The following DPYD variants were observed in gnomAD, a reference collection of about 807,000 sequenced individuals.
DPYD encodes the protein dihydropyrimidine dehydrogenase, also known as dihydropyrimidine dehydrogenase [NADP(+)].
DPYD carries 109 observed loss-of-function variants against 116.2 expected under a neutral mutation model. The observed-to-expected ratio is 0.94, with a 90% confidence interval of 0.80 to 1.10. The LOEUF (loss-of-function observed/expected upper bound fraction) is 1.10, where lower values mean the gene tolerates loss of function less well. Among genes scored for constraint, DPYD ranks in the 50% least tolerant of loss-of-function variants. The pLI is 0.00. For missense variants in DPYD, 1,302 were observed against 1,254.5 expected (o/e 1.04, Z -0.57); for synonymous variants, 440 against 432.0 (o/e 1.02, Z -0.23).
At chr1:97,258,359 A>G (rs1663649684) in intron 18 of DPYD, among the ~76,000 whole-genome samples, 1 of 152,172 alleles carries the variant, frequency 6.6e-6, no homozygotes, top group African/African-American at 2.4e-5. Context: ...TCCAAGCCAC[A>G]AAAGTACAGG....
intron 7 of DPYD, among the ~76,000 whole-genome samples, chr1:97,688,110 A>T (rs557285999): frequency 6.6e-6 from 1 of 152,342 alleles, no homozygotes; most frequent in South Asian, 2.1e-4. Flanking sequence ...CGCATCCTGC[A>T]CGTGCATCCT....
chr1:97,446,035 G>C (rs1676070285), intron 14 of DPYD, among the ~76,000 whole-genome samples: 1 of 152,042 alleles, frequency 6.6e-6, no homozygotes. Context: ...CCAATTGTCT[G>C]ATGTTTTTAA....
intron 20 of DPYD, among the ~76,000 whole-genome samples, chr1:97,150,092 G>T (rs899496549): frequency 6.6e-6 from 1 of 152,030 alleles, no homozygotes; most frequent in Non-Finnish European, 1.5e-5. Context: ...CTTCACAAAT[G>T]CTACTCTCAC....
chr1:97,230,587 T>C (rs2100732585), intron 19 of DPYD, among the ~76,000 whole-genome samples: 1 of 152,060 alleles, frequency 6.6e-6, no homozygotes, highest in African/African-American at 2.4e-5. Flanking sequence ...ATGAAAAAAG[T>C]TTACCTATGT....
intron 16 of DPYD, among the ~76,000 whole-genome samples, chr1:97,369,390 T>C (rs1671199078): frequency 6.6e-6 from 1 of 152,176 alleles, no homozygotes; most frequent in Non-Finnish European, 1.5e-5. Flanking sequence ...TTAGAGCCTA[T>C]GTAATCCTGC....
At chr1:97,376,699 G>A (rs1671637064) in intron 15 of DPYD, among the ~76,000 whole-genome samples, 1 of 152,044 alleles carries the variant, frequency 6.6e-6, no homozygotes, top group Non-Finnish European at 1.5e-5. Context: ...ATTCTTGTTA[G>A]TCACAAGCTT....
chr1:97,394,841 T>C (rs1169447427), intron 14 of DPYD, among the ~76,000 whole-genome samples: 1 of 152,066 alleles, frequency 6.6e-6, no homozygotes, highest in Admixed American at 6.6e-5. Context: ...ATTTAAGGAA[T>C]ATGCTGTGTT....
chr1:97,680,398 A>C (rs563937675), intron 7 of DPYD, among the ~76,000 whole-genome samples: 19 of 152,014 alleles, frequency 1.2e-4, no homozygotes, highest in Non-Finnish European at 2.5e-4. Flanking sequence ...GATGACTATA[A>C]ATGTCTGCAG....
At chr1:97,487,878 A>T (rs954291423) in intron 13 of DPYD, among the ~76,000 whole-genome samples, 2 of 152,238 alleles carry the variant, frequency 1.3e-5, no homozygotes, top group Admixed American at 6.5e-5. Context: ...TTTTAATCAA[A>T]TTAAACATAT....
In DPYD at chr1:97,450,242, T is replaced by C; in HGVS notation, c.1741-19A>G. ...CAATGTCCTGATGAAAGAGTAAAGA[T>C]ATTGAGTCTCCTTTTGACAAAGAAA... On this transcript the variant is annotated intron_variant, in intron 13 of 22. Coordinates refer to ENST00000370192, the MANE Select transcript of DPYD (RefSeq NM_000110.4). The C allele has an allele frequency of 6.2e-7, 1 of 1,612,984 alleles. No individual in the cohort carries two copies. Among genetic ancestry groups the C allele is most frequent in the South Asian group, 1.1e-5 (1 of 91,004 alleles).
intron 3 of DPYD, among the ~76,000 whole-genome samples, chr1:97,766,846 T>C (rs984789489): frequency 7.2e-5 from 11 of 152,282 alleles, no homozygotes; most frequent in Admixed American, 4.6e-4. Flanking sequence ...CAACTTTCTA[T>C]AGGAAAGAAT....
chr1:97,302,265 GA>G (rs1408865586), intron 18 of DPYD, among the ~76,000 whole-genome samples: 2 of 151,984 alleles, frequency 1.3e-5, no homozygotes, highest in Non-Finnish European at 1.5e-5. Context: ...GTGGAGAGCT[GA>G]ATCAGCCATC....
At chr1:97,579,984 T>A (rs1653529627) in intron 10 of DPYD, among the ~76,000 whole-genome samples, 1 of 152,210 alleles carries the variant, frequency 6.6e-6, no homozygotes, top group Admixed American at 6.5e-5. Context: ...ATAATGATCA[T>A]CATTTTAATG....
chr1:97,880,297 C>T (rs941994114), intron 2 of DPYD, among the ~76,000 whole-genome samples: 2 of 151,576 alleles, frequency 1.3e-5, no homozygotes, highest in South Asian at 2.1e-4. Context: ...AAAACTTTTT[C>T]GTATCTCATC....
At chr1:97,183,618 T>C (rs1435120594) in intron 20 of DPYD, among the ~76,000 whole-genome samples, 1 of 152,150 alleles carries the variant, frequency 6.6e-6, no homozygotes, top group Non-Finnish European at 1.5e-5. Context: ...GTGTAAATTT[T>C]AGCATAGCTT....
At chr1:97,729,916 T>C (rs1225242588) in intron 4 of DPYD, among the ~76,000 whole-genome samples, 2 of 152,214 alleles carry the variant, frequency 1.3e-5, no homozygotes, top group African/African-American at 4.8e-5. Context: ...TCTATATTGT[T>C]CTAGCTAAAT....
intron 8 of DPYD, among the ~76,000 whole-genome samples, chr1:97,596,291 CTAAACAGAGATCATT>C (rs1159039328): frequency 6.6e-6 from 1 of 152,050 alleles, no homozygotes; most frequent in Non-Finnish European, 1.5e-5. Context: ...ACCATGTAAT[CTAAACAGAGATCATT>C]TAGAGTGGTG....
chr1:97,688,299 G>C (rs1216932913), intron 7 of DPYD, among the ~76,000 whole-genome samples: 8 of 152,118 alleles, frequency 5.3e-5, no homozygotes, highest in African/African-American at 1.9e-4. Flanking sequence ...AGGAAATTTA[G>C]AGATGCAAGA....
chr1:97,102,169 ACTTGTAT>A (rs1162933692), intron 20 of DPYD, among the ~76,000 whole-genome samples: 1 of 151,776 alleles, frequency 6.6e-6, no homozygotes, highest in East Asian at 1.9e-4. Context: ...AGAAGCAAGC[ACTTGTAT>A]CTTCCAGTTT....
Sources: allele counts gnomAD v4.1 joint callset (sites outside exome capture counted in the v4.1 genomes callset), GRCh38; gene constraint gnomAD v4.1.1; transcripts MANE v1.5; gene names NCBI Gene and HGNC (gene_info 2026-07-23, HGNC 2026-07-21).